Variants in GNAQ observed in about 807,000 individuals in gnomAD.
GNAQ encodes guanine nucleotide-binding protein G(q) subunit alpha.
In GNAQ, 8 loss-of-function variants were observed where a neutral mutation model predicts 43.9. That is an observed-to-expected ratio of 0.18 (90% CI 0.11 to 0.33). The LOEUF (loss-of-function observed/expected upper bound fraction) is 0.33, where lower values mean the gene tolerates loss of function less well. Among genes scored for constraint, GNAQ ranks in the 10% least tolerant of loss-of-function variants. The pLI, the probability that GNAQ is intolerant of heterozygous loss-of-function variation, is 1.00. For synonymous variants in GNAQ, 155 were observed against 170.7 expected, an observed-to-expected ratio of 0.91 and a Z score of 0.71; for missense variants, 158 against 450.8, an observed-to-expected ratio of 0.35 and a Z score of 5.88.
At chr9:77,866,632 C>T (rs1827954383) in intron 2 of GNAQ, among the ~76,000 whole-genome samples, 1 of 152,078 alleles carries the variant, frequency 6.6e-6, no homozygotes, top group African/African-American at 2.4e-5. Flanking sequence ...AGAAATTTCA[C>T]ACAGTAACTT....
intron 5 of GNAQ, among the ~76,000 whole-genome samples, chr9:77,790,128 C>T (rs1208597530): frequency 1.3e-5 from 2 of 152,140 alleles, no homozygotes; most frequent in African/African-American, 4.8e-5. Context: ...GCCAAGTGTA[C>T]CAAAGGCCTA....
intron 2 of GNAQ, among the ~76,000 whole-genome samples, chr9:77,863,070 A>T (rs1357907279): frequency 2.0e-5 from 3 of 152,150 alleles, no homozygotes; most frequent in Non-Finnish European, 4.4e-5. Flanking sequence ...GCTACTTGGG[A>T]GGCAGAGGCA....
intron 2 of GNAQ, among the ~76,000 whole-genome samples, chr9:77,885,155 G>GT (rs1324866702): frequency 6.6e-6 from 1 of 152,156 alleles, no homozygotes; most frequent in Non-Finnish European, 1.5e-5. Flanking sequence ...AAAACCAGAG[G>GT]TAAGGGCAAT....
At chr9:77,898,901 T>C (rs1364836808) in intron 2 of GNAQ, among the ~76,000 whole-genome samples, 2 of 152,220 alleles carry the variant, frequency 1.3e-5, no homozygotes, top group Non-Finnish European at 2.9e-5. Context: ...ACTTGCTTTA[T>C]AAAAGACATA....
At chr9:77,926,611 C>T (rs1194903148) in intron 1 of GNAQ, among the ~76,000 whole-genome samples, 2 of 152,148 alleles carry the variant, frequency 1.3e-5, no homozygotes, top group Non-Finnish European at 2.9e-5. Context: ...ATAAGGATCT[C>T]ATTTTTGCTA....
chr9:77,889,411 A>C (rs1156330848), intron 2 of GNAQ, among the ~76,000 whole-genome samples: 2 of 8,358 alleles, frequency 2.4e-4, no homozygotes, highest in African/African-American at 5.0e-4. Flanking sequence ...ACCCTGTCTC[A>C]AAAAAAAAAA....
intron 1 of GNAQ, among the ~76,000 whole-genome samples, chr9:77,946,089 C>T (rs1039739889): frequency 6.6e-6 from 1 of 152,086 alleles, no homozygotes; most frequent in Admixed American, 6.5e-5. Flanking sequence ...AGTTAACTGA[C>T]GCAGAGGAGA....
intron 2 of GNAQ, 56 bp downstream of exon 2, chr9:77,922,105 T>C: frequency 2.4e-6 from 3 of 1,233,126 alleles, no homozygotes; most frequent in South Asian, 1.3e-5. Context: ...TGTTGTCACA[T>C]TATTGTGAAC....
intron 5 of GNAQ, among the ~76,000 whole-genome samples, chr9:77,753,686 G>A (rs550824309): frequency 1.2e-4 from 19 of 152,220 alleles, no homozygotes; most frequent in South Asian, 6.2e-4. Context: ...ACATTCCTCC[G>A]TTTTCCCTAG....
rs1825272575 is a variant in GNAQ, at chr9:77,719,268, T to C, written c.*2055A>G. On this transcript the variant is annotated 3_prime_UTR_variant, in exon 7 of 7. Coordinates refer to ENST00000286548, the MANE Select transcript of GNAQ (RefSeq NM_002072.5). ...TAGACATACAATACAATTACATAGA[T>C]ACATATCAATACAGCACATTCAATC... is the stretch of plus-strand genomic sequence containing the variant. 1 of 232,438 alleles carries C rather than the reference T, an allele frequency of 4.3e-6. No individual in the cohort carries two copies. The highest frequency in any genetic ancestry group is 2.2e-5 in the African/African-American group (1 of 45,308). 14.4% of individuals were successfully genotyped at this position (232,438 alleles called of 1,614,324 possible). A position where few individuals can be genotyped will look rare whatever the true frequency, so the allele number is the denominator to read the frequency against.
Position 77,858,401 on chromosome 9 carries a change from GC to G in GNAQ, c.322-42632del, listed in dbSNP as rs34975607. Among the ~76,000 whole-genome samples the G allele has an allele frequency of 4.6e-5, 7 of 152,180 alleles. No homozygotes were observed. In the South Asian group the frequency reaches 1.5e-3, roughly 32 times the overall value. On this transcript the variant is annotated intron_variant, in intron 2 of 6. Coordinates refer to ENST00000286548, the MANE Select transcript of GNAQ (RefSeq NM_002072.5). ...GGAGGGTTTTCTGTTGCCCCAATCA[GC>G]CCCCCTCAACCATTTAGAGTGACCA...
At chr9:77,736,107 A>G (rs759728225) in intron 5 of GNAQ, among the ~76,000 whole-genome samples, 7 of 152,218 alleles carry the variant, frequency 4.6e-5, no homozygotes, top group African/African-American at 7.2e-5. Context: ...CACCTAGTTA[A>G]TTTATCCACG....
At chr9:77,953,709 T>A (rs1823009507) in intron 1 of GNAQ, among the ~76,000 whole-genome samples, 2 of 152,254 alleles carry the variant, frequency 1.3e-5, no homozygotes, top group Non-Finnish European at 2.9e-5. Flanking sequence ...CTGTGTTAAG[T>A]AATCCTCTTA....
chr9:78,009,819 G>GA (rs756577926), intron 1 of GNAQ, among the ~76,000 whole-genome samples: 7 of 151,570 alleles, frequency 4.6e-5, no homozygotes, highest in Admixed American at 6.6e-5. Context: ...TCTCAGAATT[G>GA]AAAAAAAATC....
intron 2 of GNAQ, among the ~76,000 whole-genome samples, chr9:77,918,220 G>A (rs2118257811): frequency 6.6e-6 from 1 of 152,228 alleles, no homozygotes; most frequent in Admixed American, 6.5e-5. Context: ...AAATACAGGA[G>A]CTCAAAAGCA....
intron 1 of GNAQ, among the ~76,000 whole-genome samples, chr9:77,939,972 T>C (rs1829291388): frequency 6.6e-6 from 1 of 152,192 alleles, no homozygotes; most frequent in Non-Finnish European, 1.5e-5. Context: ...AGGGTGATCA[T>C]ATAATTTATC....
chr9:77,780,948 T>C (rs1021586443), intron 5 of GNAQ, among the ~76,000 whole-genome samples: 1 of 92,972 alleles, frequency 1.1e-5, no homozygotes, highest in Admixed American at 1.5e-4. Flanking sequence ...CATGTATTAA[T>C]TGGATTTTTT....
chr9:77,769,709 G>T (rs1320791165), intron 5 of GNAQ, among the ~76,000 whole-genome samples: 5 of 143,202 alleles, frequency 3.5e-5, no homozygotes, highest in African/African-American at 1.3e-4. Flanking sequence ...CTGTCACCCA[G>T]GCTGGAGTGC....
intron 1 of GNAQ, among the ~76,000 whole-genome samples, chr9:77,985,689 C>T (rs1168280823): frequency 1.3e-5 from 2 of 152,040 alleles, no homozygotes; most frequent in African/African-American, 2.4e-5. Context: ...CGGGTTCAAG[C>T]GATTCTCCTG....
Sources: allele counts gnomAD v4.1 joint callset (sites outside exome capture counted in the v4.1 genomes callset), GRCh38; gene constraint gnomAD v4.1.1; transcripts MANE v1.5; gene names NCBI Gene and HGNC (gene_info 2026-07-23, HGNC 2026-07-21).